Variants in SLC25A13 observed in about 807,000 individuals in gnomAD.
SLC25A13 encodes electrogenic aspartate/glutamate antiporter SLC25A13, mitochondrial.
In SLC25A13, 70 loss-of-function variants were observed where a neutral mutation model predicts 85.5. That is an observed-to-expected ratio of 0.82 (90% CI 0.68 to 1.00). The LOEUF is 1.00. Ranked by LOEUF, SLC25A13 falls within the 50% of genes least tolerant of loss-of-function variation. The pLI is 0.00. For missense variants in SLC25A13, 765 were observed against 819.8 expected (o/e 0.93, Z 0.82); for synonymous variants, 259 against 288.7 (o/e 0.90, Z 1.04).
chr7:96,250,196 A>C (rs1473066450), intron 3 of SLC25A13, among the ~76,000 whole-genome samples: 3 of 152,200 alleles, frequency 2.0e-5, no homozygotes, highest in African/African-American at 4.8e-5. Context: ...CAAAAAAAGA[A>C]AAAAAACTCT....
intron 3 of SLC25A13, 65 bp from the exon 4 acceptor site, chr7:96,234,982 CAT>C: frequency 8.6e-7 from 1 of 1,167,014 alleles, no homozygotes; most frequent in Non-Finnish European, 1.3e-6. Context: ...CATATACAAA[CAT>C]ACACTGAGGG....
intron 3 of SLC25A13, among the ~76,000 whole-genome samples, chr7:96,271,751 T>C (rs1798246366): frequency 6.6e-6 from 1 of 152,082 alleles, no homozygotes; most frequent in Admixed American, 6.5e-5. Flanking sequence ...ATCTGATAAA[T>C]GTAAGGCTGT....
At chr7:96,190,338 G>A (rs1021334149) in intron 7 of SLC25A13, among the ~76,000 whole-genome samples, 6 of 151,750 alleles carry the variant, frequency 4.0e-5, no homozygotes, top group Admixed American at 1.3e-4. Context: ...TGATCTGCCC[G>A]CCTCGGCCTC....
At chr7:96,133,067 G>T (rs1235299681) in intron 14 of SLC25A13, among the ~76,000 whole-genome samples, 1 of 152,138 alleles carries the variant, frequency 6.6e-6, no homozygotes, top group Middle Eastern at 3.2e-3. Flanking sequence ...AAGTAACACA[G>T]GCAGGACATC....
intron 11 of SLC25A13, among the ~76,000 whole-genome samples, chr7:96,179,096 G>A (rs1244895332): frequency 6.6e-6 from 1 of 152,130 alleles, no homozygotes; most frequent in Middle Eastern, 3.2e-3. Context: ...TAAAATAAGT[G>A]ATTATGATTA....
At chr7:96,266,642 G>C (rs1323604328) in intron 3 of SLC25A13, among the ~76,000 whole-genome samples, 1 of 152,110 alleles carries the variant, frequency 6.6e-6, no homozygotes, top group Non-Finnish European at 1.5e-5. Context: ...GACATTCCTA[G>C]AGATTTTCTA....
intron 3 of SLC25A13, among the ~76,000 whole-genome samples, chr7:96,258,788 G>A (rs1300463282): frequency 1.3e-5 from 2 of 152,168 alleles, no homozygotes; most frequent in African/African-American, 4.8e-5. Flanking sequence ...CAAAGCTGGA[G>A]GCATCATGCT....
chr7:96,244,264 T>C (rs1797099897), intron 3 of SLC25A13, among the ~76,000 whole-genome samples: 1 of 152,128 alleles, frequency 6.6e-6, no homozygotes, highest in African/African-American at 2.4e-5. Context: ...CTCTGAGGCT[T>C]GGAAGTCACT....
At chr7:96,265,753 T>C (rs1798023636) in intron 3 of SLC25A13, among the ~76,000 whole-genome samples, 1 of 152,184 alleles carries the variant, frequency 6.6e-6, no homozygotes, top group Non-Finnish European at 1.5e-5. Context: ...TTCAGGTTAT[T>C]ATAACAAAAT....
intron 5 of SLC25A13, among the ~76,000 whole-genome samples, chr7:96,208,505 C>G (rs1307207911): frequency 2.1e-5 from 3 of 139,744 alleles, no homozygotes; most frequent in South Asian, 4.5e-4. Flanking sequence ...ACCCTTTTAA[C>G]TTTTTTTTTT....
At chr7:96,221,409 T>A (rs1255339382) in intron 4 of SLC25A13, among the ~76,000 whole-genome samples, 1 of 152,206 alleles carries the variant, frequency 6.6e-6, no homozygotes, top group Admixed American at 6.5e-5. Flanking sequence ...CAGGGCAATA[T>A]TTTTCTTTCA....
At chr7:96,173,120 C>T (rs1187218539) in intron 11 of SLC25A13, among the ~76,000 whole-genome samples, 3 of 152,094 alleles carry the variant, frequency 2.0e-5, no homozygotes, top group Non-Finnish European at 4.4e-5. Flanking sequence ...TTTCTTTGCT[C>T]ATAGCCTTAT....
At chr7:96,253,953 C>T (rs1380755030) in intron 3 of SLC25A13, among the ~76,000 whole-genome samples, 1 of 152,114 alleles carries the variant, frequency 6.6e-6, no homozygotes, top group Non-Finnish European at 1.5e-5. Flanking sequence ...GATTTCTTTA[C>T]ATATTTATAG....
chr7:96,277,109 T>C (rs1798481049), intron 3 of SLC25A13, 87 bp downstream of exon 3: 2 of 1,335,420 alleles, frequency 1.5e-6, no homozygotes, highest in East Asian at 2.5e-5. Context: ...TGGGAAGGTA[T>C]ACATTTAATG....
At chr7:96,268,513 G>C (rs1389346639) in intron 3 of SLC25A13, among the ~76,000 whole-genome samples, 2 of 151,964 alleles carry the variant, frequency 1.3e-5, no homozygotes, top group South Asian at 2.1e-4. Flanking sequence ...AAAACAAAAG[G>C]CTTCCAGCCC....
rs1396484378 is a variant in SLC25A13, at chr7:96,120,619, C to CT, written c.*571dup. On this transcript the variant is annotated 3_prime_UTR_variant, in exon 18 of 18. Transcript: ENST00000265631. Reference sequence around the variant, plus strand: ...CAGTAACAATATGATTACTAAACATCTCCAATGTGGTTTTCATTACAAAGA... The same window carrying CT: ...CAGTAACAATATGATTACTAAACATCTTCCAATGTGGTTTTCATTACAAAGA... The CT allele has an allele frequency of 4.4e-6, 2 of 454,388 alleles. No homozygotes were observed. Among genetic ancestry groups the CT allele is most frequent in the Non-Finnish European group, 4.4e-6 (1 of 226,784 alleles). The allele number at this position is 454,388 out of a possible 1,614,324, so 28.1% of individuals were successfully genotyped here.
chr7:96,305,056 T>C (rs1799693325), intron 1 of SLC25A13, among the ~76,000 whole-genome samples: 1 of 152,240 alleles, frequency 6.6e-6, no homozygotes, highest in Non-Finnish European at 1.5e-5. Flanking sequence ...CCAGGCATTA[T>C]GCTAATGGCT....
chr7:96,143,176 C>T (rs183768076), intron 14 of SLC25A13, among the ~76,000 whole-genome samples: 1 of 152,178 alleles, frequency 6.6e-6, no homozygotes, highest in African/African-American at 2.4e-5. Flanking sequence ...CCTAACGAAG[C>T]GTCTTTTTGG....
chr7:96,168,537 T>C (rs1329731522), intron 13 of SLC25A13, among the ~76,000 whole-genome samples: 4 of 152,144 alleles, frequency 2.6e-5, no homozygotes, highest in Admixed American at 2.0e-4. Context: ...AGATGGCACC[T>C]AGAAAATACG....
Sources: gnomAD v4.1 joint callset for allele counts (sites outside exome capture counted in the v4.1 genomes callset) on GRCh38, gnomAD v4.1.1 for gene constraint, MANE v1.5 for transcripts, NCBI Gene and HGNC (gene_info 2026-07-23, HGNC 2026-07-21) for gene names.